ABLIM1: variants seen among roughly 807,000 people sequenced by gnomAD.
ABLIM1 encodes actin-binding LIM protein 1.
A neutral mutation model predicts 107.0 loss-of-function variants in ABLIM1; 40 were observed. The observed-to-expected ratio is 0.37, with a 90% CI of 0.29 to 0.49. ABLIM1 has a LOEUF of 0.49. ABLIM1 is among the 20% of genes least tolerant of loss of function. ABLIM1 has a pLI of 0.97. For synonymous variants in ABLIM1, 357 were observed against 357.3 expected (o/e 1.00, Z 0.01); for missense variants, 857 against 1,008.5 (o/e 0.85, Z 2.04).
At chr10:114,566,612 T>G (rs762814786) in intron 4 of ABLIM1, among the ~76,000 whole-genome samples, 2 of 152,258 alleles carry the variant, frequency 1.3e-5, no homozygotes, top group Non-Finnish European at 2.9e-5. Context: ...AAACCCTGTG[T>G]GCTAACTTTC....
intron 11 of ABLIM1, among the ~76,000 whole-genome samples, chr10:114,466,731 A>G (rs758623264): frequency 6.6e-6 from 1 of 152,226 alleles, no homozygotes; most frequent in Non-Finnish European, 1.5e-5. Context: ...ACTTTGGGAA[A>G]CATATCCCAA....
chr10:114,773,714 TC>T, the ABLIM1 span, among the ~76,000 whole-genome samples: 1 of 152,032 alleles, frequency 6.6e-6, no homozygotes, highest in Admixed American at 6.6e-5. Flanking sequence ...AGAGAGAGAC[TC>T]CGTCTCAAAA....
At chr10:114,649,356 C>T (rs1263951889) in intron 1 of ABLIM1, among the ~76,000 whole-genome samples, 1 of 151,448 alleles carries the variant, frequency 6.6e-6, no homozygotes, top group Non-Finnish European at 1.5e-5. Flanking sequence ...GAGCCAAGAT[C>T]ACACCAGTGT....
chr10:114,725,451 A>G (rs1591892774), intron 1 of ABLIM1, among the ~76,000 whole-genome samples: 1 of 152,208 alleles, frequency 6.6e-6, no homozygotes, highest in East Asian at 1.9e-4. Flanking sequence ...TGTATGTGCC[A>G]ATGTGACAAA....
intron 1 of ABLIM1, among the ~76,000 whole-genome samples, chr10:114,708,982 G>A (rs2081484770): frequency 1.3e-5 from 2 of 152,114 alleles, no homozygotes; most frequent in Non-Finnish European, 2.9e-5. Flanking sequence ...GGTACTTTTC[G>A]AGAAGCATTT....
At chr10:114,606,484 G>A (rs907599254) in intron 1 of ABLIM1, among the ~76,000 whole-genome samples, 22 of 152,004 alleles carry the variant, frequency 1.4e-4, no homozygotes, top group African/African-American at 1.9e-4. Context: ...TCCGCCCGCC[G>A]TGGCCTCCCA....
intron 1 of ABLIM1, among the ~76,000 whole-genome samples, chr10:114,737,669 G>A (rs2082206996): frequency 6.6e-6 from 1 of 152,038 alleles, no homozygotes; most frequent in Admixed American, 6.6e-5. Context: ...TGTACTAAAG[G>A]AACTAAGAAC....
intron 8 of ABLIM1, chr10:114,485,433 CA>C (rs2058051778): frequency 2.8e-6 from 4 of 1,451,774 alleles, no homozygotes; most frequent in Admixed American, 4.2e-5. Flanking sequence ...AGCCTCAAAT[CA>C]GAAGAATTAT....
rs143252754 is a variant in ABLIM1 at position 114,554,908 on chromosome 10, T to G, written c.674-7132A>C. Among the ~76,000 whole-genome samples, 1,092 of 152,276 alleles carry G rather than the reference T, an allele frequency of 7.2e-3. 6 individuals are homozygous for G. Among genetic ancestry groups the G allele is most frequent in the Non-Finnish European group, 0.012 (812 of 68,012 alleles). On this transcript the variant is annotated intron_variant, in intron 4 of 22. Coordinates refer to ENST00000533213, the MANE Select transcript of ABLIM1 (RefSeq NM_002313.7). ...GCTCTGACACTGAACAGAGGGACCCTGGGCAAACTAGGCAACCACTGGGCT... is the reference window on the plus strand; with the variant it reads ...GCTCTGACACTGAACAGAGGGACCCGGGGCAAACTAGGCAACCACTGGGCT...
intron 3 of ABLIM1, among the ~76,000 whole-genome samples, chr10:114,573,024 A>C (rs1159057924): frequency 6.6e-6 from 1 of 152,150 alleles, no homozygotes; most frequent in Non-Finnish European, 1.5e-5. Context: ...TCCCACACGA[A>C]TCCTCTATGG....
the ABLIM1 span, among the ~76,000 whole-genome samples, chr10:114,799,331 A>G: frequency 6.6e-6 from 1 of 152,176 alleles, no homozygotes; most frequent in Admixed American, 6.5e-5. Flanking sequence ...TCATGTAGTT[A>G]AAATTCCATT....
the ABLIM1 span, among the ~76,000 whole-genome samples, chr10:114,777,589 A>G: frequency 0.023 from 3,494 of 152,326 alleles, 128 homozygotes; most frequent in African/African-American, 0.075. Flanking sequence ...TCTCTTAAGT[A>G]CCATGAAATT....
chr10:114,617,536 G>A (rs1472077937), intron 1 of ABLIM1, among the ~76,000 whole-genome samples: 1 of 151,884 alleles, frequency 6.6e-6, no homozygotes, highest in Non-Finnish European at 1.5e-5. Context: ...CCAAAGTGCT[G>A]GGATTACAGG....
chr10:114,725,005 T>A (rs1259936373), intron 1 of ABLIM1, among the ~76,000 whole-genome samples: 1 of 152,180 alleles, frequency 6.6e-6, no homozygotes, highest in Admixed American at 6.5e-5. Flanking sequence ...TGTTTCTCTT[T>A]TCTCTTTTCT....
At chr10:114,766,801 A>T (rs1269354684) in intron 1 of ABLIM1, among the ~76,000 whole-genome samples, 1 of 152,224 alleles carries the variant, frequency 6.6e-6, no homozygotes, top group African/African-American at 2.4e-5. Flanking sequence ...TTATGACTCC[A>T]TCCATATACA....
intron 2 of ABLIM1, among the ~76,000 whole-genome samples, chr10:114,581,448 AAAAC>A (rs1201382464): frequency 6.6e-6 from 1 of 152,206 alleles, no homozygotes; most frequent in African/African-American, 2.4e-5. Flanking sequence ...GGTCATACCT[AAAAC>A]TCTACCCAAT....
In ABLIM1 at chr10:114,629,754, A is replaced by G. The variant is rs2078046908; in HGVS notation, c.245-27793T>C. On this transcript the variant is annotated intron_variant, in intron 1 of 22. Coordinates refer to ENST00000533213, the MANE Select transcript of ABLIM1 (RefSeq NM_002313.7). The surrounding 1 kb of genome is among the most constrained non-coding windows in gnomAD (Gnocchi z 4.0). ...CATCTCTAGGATGAATGCCTGGACT[A>G]AACGATCCCCAGTGCCCTTCTCACT... Among the ~76,000 whole-genome samples the G allele has an allele frequency of 6.6e-6, 1 of 152,204 alleles. No individual in the cohort carries two copies. The highest frequency in any genetic ancestry group is 1.5e-5 in the Non-Finnish European group (1 of 68,042).
upstream of ABLIM1, among the ~76,000 whole-genome samples, chr10:114,771,063 T>G (rs1023949834): frequency 5.9e-5 from 9 of 152,220 alleles, no homozygotes; most frequent in Non-Finnish European, 1.2e-4. Context: ...ACTCCAGGCC[T>G]CAGGCAAACT....
At chr10:114,516,923 T>C (rs1292523221) in intron 6 of ABLIM1, among the ~76,000 whole-genome samples, 1 of 152,232 alleles carries the variant, frequency 6.6e-6, no homozygotes, top group East Asian at 1.9e-4. Flanking sequence ...CCTAGAAGAC[T>C]TGCAGTTCTG....
Sources: allele counts gnomAD v4.1 joint callset (sites outside exome capture counted in the v4.1 genomes callset), GRCh38; gene constraint gnomAD v4.1.1; non-coding constraint Gnocchi (gnomAD v3.1); transcripts MANE v1.5; gene names NCBI Gene and HGNC (gene_info 2026-07-23, HGNC 2026-07-21).